LRRC51: variants seen among roughly 807,000 people sequenced by gnomAD.
LRRC51 encodes the protein leucine-rich repeat-containing protein 51.
Under a neutral mutation model 17.8 loss-of-function variants are expected in LRRC51, and 8 were observed. The observed-to-expected ratio is 0.45, with a 90% confidence interval of 0.26 to 0.81. The LOEUF is 0.81. Ranked by LOEUF, LRRC51 falls within the 30% of genes least tolerant of loss-of-function variation. The pLI is 0.17. For missense variants in LRRC51, 233 were observed against 239.3 expected, an observed-to-expected ratio of 0.97 and a Z score of 0.17; for synonymous variants, 92 against 96.0, an observed-to-expected ratio of 0.96 and a Z score of 0.24.
At chr11:72,089,250 G>A (rs761390499) in intron 3 of LRRC51, 85 bp downstream of exon 3, 2 of 1,598,978 alleles carry the variant, frequency 1.3e-6, no homozygotes, top group South Asian at 1.1e-5. Flanking sequence ...CTACTTAAAA[G>A]CCTAAAGAGA....
rs188080974 is a variant in LRRC51, at chr11:72,096,721, A to C, written c.*1201A>C. ...GATCAGTAATTTCCAAACTCTTCAC[A>C]GAGTACCAGGGTCTGTAGAGATGCC... On this transcript the variant is annotated 3_prime_UTR_variant, in exon 6 of 6. Transcript: ENST00000289488. The C allele has an allele frequency of 5.4e-3, 8,380 of 1,548,742 alleles. 36 individuals carry two copies. Among genetic ancestry groups the C allele is most frequent in the Non-Finnish European group, 6.5e-3 (7,428 of 1,145,496 alleles).
chr11:72,081,990 T>C (rs1180319360), intron 1 of LRRC51, among the ~76,000 whole-genome samples: 5 of 152,190 alleles, frequency 3.3e-5, no homozygotes, highest in African/African-American at 1.2e-4. Context: ...GAGCTAGAAC[T>C]AGACTCCAGT....
At chr11:72,087,399 T>G (rs2136493409) in intron 1 of LRRC51, among the ~76,000 whole-genome samples, 1 of 150,598 alleles carries the variant, frequency 6.6e-6, no homozygotes, top group Admixed American at 6.7e-5. Flanking sequence ...AACCTCCAAC[T>G]TCTAGGCTCA....
intron 1 of LRRC51, among the ~76,000 whole-genome samples, chr11:72,085,019 A>G (rs1007356120): frequency 2.0e-5 from 3 of 152,130 alleles, no homozygotes; most frequent in Admixed American, 1.3e-4. Context: ...CATCTATCAT[A>G]TTAGCTTTTA....
chr11:72,095,092 T>TATAG lies in LRRC51; in HGVS notation c.434_437dup (p.Gln147Ter). 6.2e-7 allele frequency: 1 copy of TATAG among 1,613,438 alleles called. No homozygotes were observed. Among genetic ancestry groups the TATAG allele is most frequent in the Non-Finnish European group, 8.5e-7 (1 of 1,179,770 alleles). On this transcript the variant is annotated frameshift_variant, in exon 5 of 6. Transcript: ENST00000289488. LOFTEE classifies it high-confidence loss of function. ...GAACCCCATGGAGGAAGAGAAAGGG[T>TATAG]ATAGGTAAGTGCCCTGCCCCTGGAG...
chr11:72,082,633 A>C (rs571953102), intron 1 of LRRC51, among the ~76,000 whole-genome samples: 2 of 152,262 alleles, frequency 1.3e-5, no homozygotes, highest in South Asian at 4.1e-4. Flanking sequence ...TTTATCCACA[A>C]TATACCCAAG....
chr11:72,094,812 C>T, intron 4 of LRRC51, 136 bp from the exon 5 acceptor site: 2 of 1,510,086 alleles, frequency 1.3e-6, no homozygotes, highest in Admixed American at 1.7e-5. Context: ...TACAGTCATA[C>T]AGTATGGCTG....
intron 3 of LRRC51, among the ~76,000 whole-genome samples, chr11:72,091,756 C>T (rs1415915109): frequency 6.6e-6 from 1 of 152,180 alleles, no homozygotes; most frequent in African/African-American, 2.4e-5. Flanking sequence ...TATCCATTCA[C>T]TCTTTTTTTG....
chr11:72,093,564 A>G lies in LRRC51; in HGVS notation c.151A>G (p.Thr51Ala). Residue 51 changes from threonine (T) to alanine (A), a missense_variant, in exon 4 of 6, where the codon ACC becomes GCC. By Grantham distance (58) the Thr-to-Ala change is moderately conservative. Transcript: ENST00000289488. ...GCGTTCAAAGTCGGGGAAATCACTG[A>G]CCCAGTCCCTGTGGCTGAATAACAA... The part of the protein sequence containing the change: ...LKRSKSGKSL[T>A]QSLWLNNNVL... 1 of 1,614,186 alleles carries G rather than the reference A, an allele frequency of 6.2e-7. No individual in the cohort carries two copies. The highest frequency in any genetic ancestry group is 8.5e-7 in the Non-Finnish European group (1 of 1,180,030).
intron 5 of LRRC51, 93 bp from the exon 6 acceptor site, chr11:72,095,286 A>T: frequency 6.2e-7 from 1 of 1,609,374 alleles, no homozygotes; most frequent in African/African-American, 1.3e-5. Context: ...AAGTCCCTCC[A>T]TTCCTTGCAG....
At chr11:72,087,807 ATTAAG>A (rs1312838755) in intron 1 of LRRC51, among the ~76,000 whole-genome samples, 1 of 152,222 alleles carries the variant, frequency 6.6e-6, no homozygotes, top group African/African-American at 2.4e-5. Flanking sequence ...ATTGGGTAAA[ATTAAG>A]TTATTAAAAT....
At chr11:72,084,719 C>T in intron 1 of LRRC51, among the ~76,000 whole-genome samples, 1 of 151,730 alleles carries the variant, frequency 6.6e-6, no homozygotes, top group East Asian at 1.9e-4. Flanking sequence ...TGCCTGTAGT[C>T]CCAGCTACTC....
chr11:72,089,317 T>C, intron 3 of LRRC51, 152 bp downstream of exon 3: 1 of 1,504,900 alleles, frequency 6.6e-7, no homozygotes, highest in Non-Finnish European at 9.0e-7. Flanking sequence ...TAGGGGAGAG[T>C]GAGAGGTTTT....
intron 2 of LRRC51, chr11:72,088,697 G>A: frequency 1.9e-6 from 1 of 523,272 alleles, no homozygotes; most frequent in East Asian, 3.4e-5. Context: ...GTAGGATTCA[G>A]GAGATTATGA....
chr11:72,094,546 G>A, intron 4 of LRRC51: 1 of 608,780 alleles, frequency 1.6e-6, no homozygotes, highest in Admixed American at 2.8e-5. Flanking sequence ...CTATTCCCCT[G>A]GTGTGGTGAT....
intron 3 of LRRC51, among the ~76,000 whole-genome samples, chr11:72,090,933 A>C (rs953831860): frequency 1.3e-4 from 20 of 152,196 alleles, no homozygotes; most frequent in Admixed American, 2.0e-4. Context: ...AGTTTCCCAG[A>C]TCTTCCTGGA....
chr11:72,091,195 T>A (rs1944836910), intron 3 of LRRC51, among the ~76,000 whole-genome samples: 1 of 152,204 alleles, frequency 6.6e-6, no homozygotes, highest in South Asian at 2.1e-4. Flanking sequence ...CTCCACCCCA[T>A]GCTTGGTGGC....
chr11:72,096,799 C>T lies in LRRC51; in HGVS notation c.*1279C>T, dbSNP rs1310864964. On this transcript the variant is annotated 3_prime_UTR_variant, in exon 6 of 6. Transcript: ENST00000289488. ...GATGGCCTATGATCTCTGAAACCAGCCCCCACTTCAATCAGATCAAAGTAA... is the reference window on the plus strand; with the variant it reads ...GATGGCCTATGATCTCTGAAACCAGTCCCCACTTCAATCAGATCAAAGTAA... 2 of 1,377,328 alleles carry T rather than the reference C, an allele frequency of 1.5e-6. No individual in the cohort carries two copies. The highest frequency in any genetic ancestry group is 1.9e-6 in the Non-Finnish European group (2 of 1,042,418). 85.3% of individuals were successfully genotyped at this position (1,377,328 alleles called of 1,614,324 possible).
rs886048626 is a variant in LRRC51 at position 72,080,863 on chromosome 11, G to A, written c.-162G>A. On this transcript the variant is annotated 5_prime_UTR_variant, in exon 1 of 6. Transcript: ENST00000289488. ...TAACCCTGAGGCAGTGGGACGCCAA[G>A]ACTGGAGAGGAAGCGACTGCGGGTG... is the stretch of plus-strand genomic sequence containing the variant. 5 of 152,464 alleles carry A rather than the reference G, an allele frequency of 3.3e-5. No individual in the cohort carries two copies. The highest frequency in any genetic ancestry group is 7.3e-5 in the Non-Finnish European group (5 of 68,226). The allele number at this position is 152,464 out of a possible 1,614,324, so 9.4% of individuals were successfully genotyped here. A position where few individuals can be genotyped will look rare whatever the true frequency, so the allele number is the denominator to read the frequency against.
Sources: gnomAD v4.1 joint callset for allele counts (sites outside exome capture counted in the v4.1 genomes callset) on GRCh38, gnomAD v4.1.1 for gene constraint, MANE v1.5 for transcripts, NCBI Gene and HGNC (gene_info 2026-07-23, HGNC 2026-07-21) for gene names.